ACTR3: variants seen among roughly 807,000 people sequenced by gnomAD.
ACTR3 encodes the protein actin-related protein 3.
A neutral mutation model predicts 56.8 loss-of-function variants in ACTR3; 12 were observed. That is an observed-to-expected ratio of 0.21 (90% CI 0.14 to 0.34). ACTR3 has a LOEUF of 0.34. Among genes scored for constraint, ACTR3 ranks in the 10% least tolerant of loss-of-function variants. The pLI, the probability that ACTR3 is intolerant of heterozygous loss-of-function variation, is 1.00. For synonymous variants in ACTR3, 162 were observed against 167.4 expected, an observed-to-expected ratio of 0.97 and a Z score of 0.25; for missense variants, 282 against 512.5, an observed-to-expected ratio of 0.55 and a Z score of 4.34.
At chr2:113,903,537 CTT>C (rs377634915) in intron 1 of ACTR3, among the ~76,000 whole-genome samples, 8,639 of 135,166 alleles carry the variant, frequency 0.064, 247 homozygotes, top group Non-Finnish European at 0.074. Context: ...TGCTAATTGT[CTT>C]TTTTTTTTTT....
At chr2:113,897,513 AT>A (rs1679029088) in intron 1 of ACTR3, among the ~76,000 whole-genome samples, 1 of 105,866 alleles carries the variant, frequency 9.4e-6, no homozygotes, top group Admixed American at 1.1e-4. Context: ...GTGTGGCCAG[AT>A]GTTATTTTTT....
At chr2:113,943,995 G>A (rs1420080559) in intron 8 of ACTR3, among the ~76,000 whole-genome samples, 2 of 152,106 alleles carry the variant, frequency 1.3e-5, no homozygotes, top group Non-Finnish European at 2.9e-5. Context: ...ATGACAGAGA[G>A]GTAGAAGCCA....
intron 3 of ACTR3, among the ~76,000 whole-genome samples, chr2:113,925,563 A>C (rs1240280819): frequency 6.6e-6 from 1 of 152,128 alleles, no homozygotes; most frequent in African/African-American, 2.4e-5. Context: ...TGCTAGACTG[A>C]GTTTTTTGTA....
At chr2:113,925,481 C>A (rs1157823728) in intron 3 of ACTR3, among the ~76,000 whole-genome samples, 1 of 152,224 alleles carries the variant, frequency 6.6e-6, no homozygotes, top group Non-Finnish European at 1.5e-5. Context: ...CAGGCATGAG[C>A]CACCACGCCC....
chr2:113,955,938 G>A (rs1451405425), intron 11 of ACTR3, among the ~76,000 whole-genome samples: 1 of 152,038 alleles, frequency 6.6e-6, no homozygotes, highest in East Asian at 1.9e-4. Context: ...GCAGAGACTG[G>A]GTTTCATCAT....
chr2:113,942,938 TACTC>T (rs1259810030), intron 8 of ACTR3, among the ~76,000 whole-genome samples: 51 of 152,326 alleles, frequency 3.3e-4, no homozygotes, highest in African/African-American at 9.4e-4. Context: ...ATTACGTACT[TACTC>T]TGCTTATTTA....
chr2:113,890,616 G>A (rs1678870221), intron 1 of ACTR3: 4 of 1,295,972 alleles, frequency 3.1e-6, no homozygotes, highest in African/African-American at 3.1e-5. Context: ...GGGCAGCGCC[G>A]CCCAAAGGGC....
Position 113,961,161 on chromosome 2 carries a change from TTTG to T in ACTR3, c.*3709_*3711del, listed in dbSNP as rs1254782033. The T allele has an allele frequency of 1.9e-4, 29 of 152,026 alleles. No homozygotes were observed. The highest frequency in any genetic ancestry group is 1.9e-3 in the Admixed American group (29 of 15,216). The allele number at this position is 152,026 out of a possible 1,614,324, so 9.4% of individuals were successfully genotyped here. ...TAAATGTTTATCCTTTTCCACGTAATTTGTTTTCTATGATATGAGAACTTTTAT... is the reference window on the plus strand; with the variant it reads ...TAAATGTTTATCCTTTTCCACGTAATTTTTCTATGATATGAGAACTTTTAT... On this transcript the variant is annotated 3_prime_UTR_variant, in exon 12 of 12. Coordinates refer to ENST00000263238, the MANE Select transcript of ACTR3 (RefSeq NM_005721.5).
chr2:113,905,203 T>C (rs999113212), intron 1 of ACTR3: 3 of 152,164 alleles, frequency 2.0e-5, no homozygotes, highest in Non-Finnish European at 4.4e-5. Context: ...GCGGTAGGTA[T>C]CCAGTATTAT....
intron 1 of ACTR3, among the ~76,000 whole-genome samples, chr2:113,908,637 A>G (rs893669809): frequency 1.3e-5 from 2 of 152,090 alleles, no homozygotes; most frequent in African/African-American, 4.8e-5. Flanking sequence ...TCTTATTTTT[A>G]AAATTATTGC....
intron 8 of ACTR3, among the ~76,000 whole-genome samples, chr2:113,947,282 A>G (rs1172799687): frequency 6.6e-6 from 1 of 152,254 alleles, no homozygotes; most frequent in Non-Finnish European, 1.5e-5. Flanking sequence ...GGATAATAGC[A>G]TGGGATATAG....
rs921468548 is a variant in ACTR3 at position 113,951,829 on chromosome 2, G to C, written c.1061G>C (p.Ser354Thr). The C allele has an allele frequency of 6.2e-7, 1 of 1,613,476 alleles. No individual in the cohort carries two copies. The highest frequency in any genetic ancestry group is 1.7e-5 in the Admixed American group (1 of 60,024). Residue 354 changes from serine (S) to threonine (T), a missense_variant, in exon 10 of 12, where the codon AGT (serine) becomes ACT (threonine). Transcript: ENST00000263238. ...CGGCTGAAATTAAGTGAGGAATTGA[G>C]TGGTGGTAGATTGAAGGTTGGTTTT... is the stretch of plus-strand genomic sequence containing the variant. ...DARLKLSEEL[S>T]GGRLKPKPID... is the part of the protein sequence containing the mutation.
intron 1 of ACTR3, among the ~76,000 whole-genome samples, chr2:113,896,126 T>C (rs1051316889): frequency 5.3e-5 from 8 of 152,162 alleles, no homozygotes; most frequent in African/African-American, 1.9e-4. Flanking sequence ...TCTTAAAGTG[T>C]TGAGATTACA....
At chr2:113,938,544 A>T (rs1026987942) in intron 6 of ACTR3, among the ~76,000 whole-genome samples, 3 of 152,178 alleles carry the variant, frequency 2.0e-5, no homozygotes, top group Admixed American at 6.5e-5. Flanking sequence ...GTTTGTCCCC[A>T]TTCTTGAGGC....
At chr2:113,924,334 C>T (rs990991330) in intron 3 of ACTR3, among the ~76,000 whole-genome samples, 25 of 151,982 alleles carry the variant, frequency 1.6e-4, no homozygotes, top group Non-Finnish European at 3.2e-4. Context: ...ACCTTGGCCT[C>T]CCAAAGTGCT....
At chr2:113,910,349 C>T (rs911500043) in intron 1 of ACTR3, among the ~76,000 whole-genome samples, 2 of 152,200 alleles carry the variant, frequency 1.3e-5, no homozygotes, top group African/African-American at 4.8e-5. Context: ...TCTTCCTACA[C>T]ACCTCACCCT....
intron 3 of ACTR3, among the ~76,000 whole-genome samples, chr2:113,917,792 TGTG>T (rs775814112): frequency 5.9e-5 from 9 of 152,136 alleles, no homozygotes; most frequent in Non-Finnish European, 7.4e-5. Context: ...GCTATTATAA[TGTG>T]GTGGAAAGGA....
chr2:113,951,300 A>T (rs1680116876), intron 8 of ACTR3, 179 bp from the exon 9 acceptor site: 2 of 520,314 alleles, frequency 3.8e-6, no homozygotes, highest in African/African-American at 3.8e-5. Context: ...AATGGTATAT[A>T]TCATCATAAT....
chr2:113,920,555 C>T (rs1009033122), intron 3 of ACTR3, among the ~76,000 whole-genome samples: 2 of 152,148 alleles, frequency 1.3e-5, no homozygotes, highest in Non-Finnish European at 2.9e-5. Flanking sequence ...TAACTGTAGT[C>T]ATCATATAGT....
Sources: gnomAD v4.1 joint callset for allele counts (sites outside exome capture counted in the v4.1 genomes callset) on GRCh38, gnomAD v4.1.1 for gene constraint, MANE v1.5 for transcripts, NCBI Gene and HGNC (gene_info 2026-07-23, HGNC 2026-07-21) for gene names.